GTF2F2: variants seen among roughly 807,000 people sequenced by gnomAD.
GTF2F2 encodes the protein ATP-dependent helicase GTF2F2.
A neutral mutation model predicts 42.2 loss-of-function variants in GTF2F2; 23 were observed. The observed-to-expected ratio is 0.55, with a 90% CI of 0.39 to 0.77. The LOEUF is 0.77. Among genes scored for constraint, GTF2F2 ranks in the 30% least tolerant of loss-of-function variants. The pLI is 0.00. For missense variants in GTF2F2, 261 were observed against 287.2 expected (o/e 0.91, Z 0.66); for synonymous variants, 105 against 100.8 (o/e 1.04, Z -0.25).
At chr13:45,129,967 G>A (rs770650200) in intron 1 of GTF2F2, among the ~76,000 whole-genome samples, 8 of 152,282 alleles carry the variant, frequency 5.3e-5, no homozygotes, top group East Asian at 1.9e-4. Context: ...AGAGTGTTCC[G>A]GACAGAAATA....
intron 5 of GTF2F2, among the ~76,000 whole-genome samples, chr13:45,213,537 G>A (rs747993325): frequency 3.9e-5 from 6 of 152,210 alleles, no homozygotes; most frequent in Admixed American, 6.5e-5. Flanking sequence ...ATATTTAAAT[G>A]TTTATTCTTC....
intron 4 of GTF2F2, among the ~76,000 whole-genome samples, chr13:45,184,378 A>G (rs1414206816): frequency 3.3e-5 from 5 of 150,546 alleles, no homozygotes; most frequent in Admixed American, 3.3e-4. Flanking sequence ...AGTCTTTTTT[A>G]ACTTTATTCC....
Position 45,252,872 on chromosome 13 carries a change from T to C in GTF2F2, c.388T>C (p.Leu130=). ...ATAATGCCTTATATTTTTTTTCAGATTGCAAATAGAAGAGTCTTCCAAACC... is the reference window on the plus strand; with the variant it reads ...ATAATGCCTTATATTTTTTTTCAGACTGCAAATAGAAGAGTCTTCCAAACC... ...ASENYMRLKR[L]QIEESSKPVR... Residue 130 remains leucine, a splice_region_variant and synonymous_variant, in exon 6 of 8, where the codon TTG becomes CTG. Coordinates refer to ENST00000340473, the MANE Select transcript of GTF2F2 (RefSeq NM_004128.3). The C allele has an allele frequency of 7.1e-7, 1 of 1,409,974 alleles. No individual in the cohort carries two copies. 87.3% of individuals were successfully genotyped at this position (1,409,974 alleles called of 1,614,324 possible).
intron 5 of GTF2F2, 63 bp from the exon 6 acceptor site, chr13:45,252,808 A>G (rs1273908923): frequency 2.8e-6 from 2 of 708,740 alleles, no homozygotes; most frequent in Admixed American, 3.0e-5. Context: ...TATAGAAATA[A>G]TAACTCTTCA....
chr13:45,126,879 T>C (rs192742165), intron 1 of GTF2F2, among the ~76,000 whole-genome samples: 2 of 152,350 alleles, frequency 1.3e-5, no homozygotes, highest in African/African-American at 4.8e-5. Flanking sequence ...AGTTATTTTC[T>C]GTCACTTTCT....
At chr13:45,187,120 T>C (rs2059971486) in intron 4 of GTF2F2, among the ~76,000 whole-genome samples, 1 of 152,168 alleles carries the variant, frequency 6.6e-6, no homozygotes, top group South Asian at 2.1e-4. Context: ...CAAGGTGTGG[T>C]GACTCACACT....
chr13:45,138,333 G>A (rs543577575), intron 2 of GTF2F2, among the ~76,000 whole-genome samples: 7 of 152,214 alleles, frequency 4.6e-5, no homozygotes, highest in African/African-American at 1.7e-4. Flanking sequence ...TGGAGGCACC[G>A]TGCTCAGGAA....
At chr13:45,278,522 T>C (rs898951801) in intron 7 of GTF2F2, among the ~76,000 whole-genome samples, 1 of 152,178 alleles carries the variant, frequency 6.6e-6, no homozygotes, top group Non-Finnish European at 1.5e-5. Context: ...CAATCCTATG[T>C]GACATAAAAG....
intron 5 of GTF2F2, among the ~76,000 whole-genome samples, chr13:45,218,244 G>A (rs1055236835): frequency 1.1e-4 from 16 of 152,184 alleles, no homozygotes; most frequent in Admixed American, 2.0e-4. Context: ...ATTTAAAATG[G>A]GTGCTGAAGG....
chr13:45,239,572 T>G (rs942428633), intron 5 of GTF2F2, among the ~76,000 whole-genome samples: 1 of 152,212 alleles, frequency 6.6e-6, no homozygotes, highest in African/African-American at 2.4e-5. Flanking sequence ...CAAAAACTTG[T>G]GGGTGCTTGT....
rs1157972776 is a variant in GTF2F2 at position 45,278,816 on chromosome 13, CTTTTT to C, written c.631-4605_631-4601del. 6.6e-3 allele frequency among the ~76,000 whole-genome samples: 414 copies of C among 62,278 alleles called. 1 individual carries two copies. Among genetic ancestry groups the C allele is most frequent in the African/African-American group, 0.026 (369 of 14,356 alleles). 40.9% of individuals were successfully genotyped at this position (62,278 alleles called of 152,430 possible). A position where few individuals can be genotyped will look rare whatever the true frequency, so the allele number is the denominator to read the frequency against. On this transcript the variant is annotated intron_variant, in intron 7 of 7. Coordinates refer to ENST00000340473, the MANE Select transcript of GTF2F2 (RefSeq NM_004128.3). ...CCTGCCAATTTGCCTTTTTCTTTTTCTTTTTTTTTTTTTTTTTTTTTTTTTGAGGT... is the reference window on the plus strand; with the variant it reads ...CCTGCCAATTTGCCTTTTTCTTTTTCTTTTTTTTTTTTTTTTTTTTGAGGT...
intron 1 of GTF2F2, among the ~76,000 whole-genome samples, chr13:45,135,149 C>G (rs1337854338): frequency 6.6e-6 from 1 of 151,582 alleles, no homozygotes; most frequent in Non-Finnish European, 1.5e-5. Flanking sequence ...AGACGGGATT[C>G]CGCCATGATG....
At chr13:45,159,460 G>A (rs914577107) in intron 4 of GTF2F2, among the ~76,000 whole-genome samples, 2 of 152,066 alleles carry the variant, frequency 1.3e-5, no homozygotes, top group East Asian at 1.9e-4. Flanking sequence ...GCGCGATCTC[G>A]GCTCACTGCA....
intron 4 of GTF2F2, chr13:45,193,677 G>A (rs1872745315): frequency 3.3e-6 from 3 of 922,866 alleles, no homozygotes; most frequent in Non-Finnish European, 5.0e-6. Flanking sequence ...TTAGTAGCAG[G>A]GCTCTGTAGT....
chr13:45,181,846 A>G (rs1593475750), intron 4 of GTF2F2, among the ~76,000 whole-genome samples: 2 of 152,126 alleles, frequency 1.3e-5, no homozygotes, highest in Non-Finnish European at 2.9e-5. Flanking sequence ...TGTTAGCTTA[A>G]GTGTACAAAA....
intron 5 of GTF2F2, chr13:45,220,786 G>A (rs1874075385): frequency 6.6e-6 from 1 of 152,066 alleles, no homozygotes; most frequent in Admixed American, 6.6e-5. Flanking sequence ...TACTCTGAGG[G>A]GGGTTCCTAG....
intron 2 of GTF2F2, 70 bp from the exon 3 acceptor site, chr13:45,149,700 G>A: frequency 7.4e-7 from 1 of 1,359,050 alleles, no homozygotes. Context: ...TTTTTTTTAA[G>A]CTCTTAACTC....
At chr13:45,196,087 A>G (rs1461000044) in intron 4 of GTF2F2, among the ~76,000 whole-genome samples, 1 of 152,190 alleles carries the variant, frequency 6.6e-6, no homozygotes, top group Admixed American at 6.5e-5. Context: ...TTTTCTTTAA[A>G]CAATATTAGA....
chr13:45,190,660 A>G (rs1009837198), intron 4 of GTF2F2, among the ~76,000 whole-genome samples: 1 of 152,218 alleles, frequency 6.6e-6, no homozygotes. Context: ...GGTATCCGGC[A>G]TATAGTAAAA....
Sources: gnomAD v4.1 joint callset for allele counts (sites outside exome capture counted in the v4.1 genomes callset) on GRCh38, gnomAD v4.1.1 for gene constraint, MANE v1.5 for transcripts, NCBI Gene and HGNC (gene_info 2026-07-23, HGNC 2026-07-21) for gene names.